The following CAP2 variants were observed in gnomAD, a reference collection of about 807,000 sequenced individuals.
The protein encoded by CAP2 is cyclase associated actin cytoskeleton regulatory protein 2.
CAP2 carries 24 observed loss-of-function variants against 57.7 expected under a neutral mutation model. The ratio of observed to expected loss-of-function variants is 0.42; its 90% CI spans 0.30 to 0.58. The LOEUF (loss-of-function observed/expected upper bound fraction) is 0.58, where lower values mean the gene tolerates loss of function less well. Ranked by LOEUF, CAP2 falls within the 20% of genes least tolerant of loss-of-function variation. CAP2 has a pLI of 0.22. For missense variants in CAP2, 501 were observed against 590.3 expected (o/e 0.85, Z 1.57); for synonymous variants, 194 against 207.2 (o/e 0.94, Z 0.55).
intron 1 of CAP2, among the ~76,000 whole-genome samples, chr6:17,412,280 A>G (rs1300143405): frequency 1.3e-5 from 2 of 152,142 alleles, no homozygotes; most frequent in African/African-American, 4.8e-5. Flanking sequence ...TGCCTTGAGG[A>G]CGCAGTCTGT....
Position 17,557,530 on chromosome 6 carries a change from T to C in CAP2, c.*1088T>C, listed in dbSNP as rs1444417321. The C allele has an allele frequency of 5.9e-5, 9 of 152,324 alleles. No homozygotes were observed. The highest frequency in any genetic ancestry group is 2.2e-4 in the African/African-American group (9 of 41,568). The allele number at this position is 152,324 out of a possible 1,614,324, so 9.4% of individuals were successfully genotyped here. A position where few individuals can be genotyped will look rare whatever the true frequency, so the allele number is the denominator to read the frequency against. ...AAAATCTGCAACTTCTTGGATCATA[T>C]TTAATGAATTATAGTATAATGCTTG... On this transcript the variant is annotated 3_prime_UTR_variant, in exon 13 of 13. Transcript: ENST00000229922.
chr6:17,531,604 A>C, intron 7 of CAP2: 1 of 1,472,340 alleles, frequency 6.8e-7, no homozygotes, highest in Non-Finnish European at 9.4e-7. Flanking sequence ...CTGGCACAGC[A>C]GGAACCTTCT....
chr6:17,458,513 A>G (rs73373275), intron 3 of CAP2, among the ~76,000 whole-genome samples: 5,676 of 152,282 alleles, frequency 0.037, 375 homozygotes, highest in African/African-American at 0.13. Flanking sequence ...GTGTTCGTTC[A>G]TTTCATTTAT....
intron 4 of CAP2, among the ~76,000 whole-genome samples, chr6:17,478,854 C>G (rs534752154): frequency 1.3e-5 from 2 of 152,144 alleles, no homozygotes; most frequent in African/African-American, 4.8e-5. Context: ...TCCATTCAGC[C>G]TCCTTGAAGA....
chr6:17,531,327 C>T (rs779726310), intron 7 of CAP2: 12 of 1,204,590 alleles, frequency 1.0e-5, no homozygotes, highest in Non-Finnish European at 1.2e-5. Flanking sequence ...ACCTTTCAGA[C>T]CTTTGGGCTC....
intron 1 of CAP2, among the ~76,000 whole-genome samples, chr6:17,413,306 T>C (rs1759188878): frequency 6.6e-6 from 1 of 152,180 alleles, no homozygotes; most frequent in Non-Finnish European, 1.5e-5. Flanking sequence ...TGAAACATCT[T>C]TGCAATAAAA....
At chr6:17,554,713 C>G (rs895896215) in intron 12 of CAP2, among the ~76,000 whole-genome samples, 11 of 152,344 alleles carry the variant, frequency 7.2e-5, no homozygotes, top group African/African-American at 2.6e-4. Context: ...TCAATGAGCA[C>G]CGCATGGACT....
chr6:17,419,101 C>T (rs906062576), intron 1 of CAP2, among the ~76,000 whole-genome samples: 6 of 152,162 alleles, frequency 3.9e-5, no homozygotes, highest in African/African-American at 1.2e-4. Flanking sequence ...GACCATCTGA[C>T]ATTCAGACAG....
At chr6:17,440,483 C>T (rs892931178) in intron 3 of CAP2, among the ~76,000 whole-genome samples, 1 of 151,280 alleles carries the variant, frequency 6.6e-6, no homozygotes, top group East Asian at 1.9e-4. Flanking sequence ...CTTTTTATAC[C>T]TTTCATGTCT....
chr6:17,536,239 A>C, intron 7 of CAP2: 1 of 456,782 alleles, frequency 2.2e-6, no homozygotes, highest in Non-Finnish European at 4.4e-6. Flanking sequence ...CTCCCACAGA[A>C]TGAGAAGAGA....
At chr6:17,461,022 G>A (rs1018827501) in intron 3 of CAP2, among the ~76,000 whole-genome samples, 11 of 152,050 alleles carry the variant, frequency 7.2e-5, no homozygotes, top group African/African-American at 4.8e-5. Context: ...GGTGGTGTGC[G>A]CCTGTGGCCC....
chr6:17,398,899 T>C (rs762621356), intron 1 of CAP2, among the ~76,000 whole-genome samples: 4 of 152,202 alleles, frequency 2.6e-5, no homozygotes, highest in Non-Finnish European at 5.9e-5. Flanking sequence ...ATTATTATTG[T>C]CCATCTCCAG....
chr6:17,504,126 G>A (rs980523951), intron 4 of CAP2, among the ~76,000 whole-genome samples: 8 of 152,180 alleles, frequency 5.3e-5, no homozygotes, highest in Admixed American at 3.9e-4. Flanking sequence ...TAAGGGATGG[G>A]AAAGAGCTAG....
Position 17,468,125 on chromosome 6 carries a change from G to A in CAP2, c.300+5052G>A, listed in dbSNP as rs200084497. On this transcript the variant is annotated intron_variant, in intron 4 of 12. Coordinates refer to ENST00000229922, the MANE Select transcript of CAP2 (RefSeq NM_006366.3). ...CATAACAATCTCCAGTTCTATCCATGTTGAATTTTTTTTTTTAATAAGACC... is the reference window on the plus strand; with the variant it reads ...CATAACAATCTCCAGTTCTATCCATATTGAATTTTTTTTTTTAATAAGACC... Among the ~76,000 whole-genome samples, 13 of 151,996 alleles carry A rather than the reference G, an allele frequency of 8.6e-5. No homozygotes were observed. The East Asian group carries it at 2.5e-3, about 29-fold the overall frequency.
intron 4 of CAP2, among the ~76,000 whole-genome samples, chr6:17,495,263 G>A (rs929392488): frequency 2.6e-5 from 4 of 152,154 alleles, no homozygotes; most frequent in African/African-American, 9.7e-5. Flanking sequence ...CCAGCACCTG[G>A]ACCAGCTCTG....
chr6:17,539,295 G>A lies in CAP2; in HGVS notation c.663G>A (p.Ala221=), dbSNP rs374569122. Residue 221 remains alanine, a synonymous_variant, in exon 8 of 13, where the codon GCG becomes GCA. Coordinates refer to ENST00000229922, the MANE Select transcript of CAP2 (RefSeq NM_006366.3). ...GTCCTGTAGCATCCACAGTATCAGC[G>A]TTTTCTGTCCTCTCCTCTGGGCCTG... ...KTGPVASTVS[A]FSVLSSGPGL... 61 of 1,613,718 alleles carry A rather than the reference G, an allele frequency of 3.8e-5. 1 individual carries two copies. The highest frequency in any genetic ancestry group is 3.3e-4 in the Middle Eastern group (2 of 6,056).
rs995214705 is a variant in CAP2, at chr6:17,425,285, G to A, written c.122-1305G>A. On this transcript the variant is annotated intron_variant, in intron 2 of 12. Coordinates refer to ENST00000229922, the MANE Select transcript of CAP2 (RefSeq NM_006366.3). ...AGATTTTTTTTCTGTTAATTAAAAG[G>A]CAGGGAAGGAAATGCAGAGCACACC... 3.3e-5 allele frequency among the ~76,000 whole-genome samples: 5 copies of A among 152,198 alleles called. No homozygotes were observed. In the East Asian group the frequency reaches 9.6e-4, roughly 29 times the overall value.
At chr6:17,410,634 T>C (rs1369916254) in intron 1 of CAP2, among the ~76,000 whole-genome samples, 1 of 151,956 alleles carries the variant, frequency 6.6e-6, no homozygotes, top group Non-Finnish European at 1.5e-5. Context: ...CTCGGCTCAC[T>C]GCAAGGTCTG....
In CAP2 at chr6:17,552,463, A is replaced by G. The variant is rs935900910; in HGVS notation, c.1350+859A>G. ...CAGGAGTTTGAGACCAGCCTGGCCA[A>G]CACGGCAAAAGCCCGTCTCTACTAA... On this transcript the variant is annotated intron_variant, in intron 12 of 12. Coordinates refer to ENST00000229922, the MANE Select transcript of CAP2 (RefSeq NM_006366.3). Among the ~76,000 whole-genome samples, 10 of 152,148 alleles carry G rather than the reference A, an allele frequency of 6.6e-5. No homozygotes were observed. The East Asian group carries it at 1.2e-3, about 18-fold the overall frequency.
Sources: allele counts gnomAD v4.1 joint callset (sites outside exome capture counted in the v4.1 genomes callset), GRCh38; gene constraint gnomAD v4.1.1; transcripts MANE v1.5; gene names NCBI Gene and HGNC (gene_info 2026-07-23, HGNC 2026-07-21).